The following PI4KA variants were observed in gnomAD, a reference collection of about 807,000 sequenced individuals.
The protein encoded by PI4KA is phosphatidylinositol 4-kinase alpha, also known as PI4-kinase alpha.
In PI4KA, 122 loss-of-function variants were observed where a neutral mutation model predicts 271.4. That is an observed-to-expected ratio of 0.45 (90% CI 0.39 to 0.52). The LOEUF (loss-of-function observed/expected upper bound fraction) is 0.52, where lower values mean the gene tolerates loss of function less well. Ranked by LOEUF, PI4KA falls within the 20% of genes least tolerant of loss-of-function variation. The probability of loss-of-function intolerance (pLI) is 0.00; values close to 1 mark genes in which losing one functional copy is unlikely to be tolerated. For synonymous variants in PI4KA, 1,041 were observed against 1,078.8 expected, an observed-to-expected ratio of 0.96 and a Z score of 0.69; for missense variants, 1,969 against 2,769.1, an observed-to-expected ratio of 0.71 and a Z score of 6.48.
chr22:20,784,375 C>T, intron 19 of PI4KA: 1 of 1,249,814 alleles, frequency 8.0e-7, no homozygotes, highest in South Asian at 1.3e-5. Context: ...CATACAGGGC[C>T]ACTCTGTTAA....
At chr22:20,809,943 T>A (rs1298192656) in intron 9 of PI4KA, among the ~76,000 whole-genome samples, 1 of 152,128 alleles carries the variant, frequency 6.6e-6, no homozygotes, top group African/African-American at 2.4e-5. Context: ...GGTAGTTCCT[T>A]CCCTGCTTCA....
At chr22:20,730,118 G>T in intron 36 of PI4KA, 107 bp from the exon 37 acceptor site, 1 of 1,281,492 alleles carries the variant, frequency 7.8e-7, no homozygotes, top group South Asian at 1.4e-5. Context: ...GGCAGAGCAG[G>T]CATTTTCTGG....
chr22:20,751,881 A>T, intron 25 of PI4KA, 126 bp from the exon 26 acceptor site: 1 of 760,882 alleles, frequency 1.3e-6, no homozygotes, highest in Non-Finnish European at 2.2e-6. Flanking sequence ...GGAGGTCGGG[A>T]GGCCCTTGCA....
At chr22:20,741,614 A>G (rs550993506) in intron 32 of PI4KA, among the ~76,000 whole-genome samples, 93 of 152,320 alleles carry the variant, frequency 6.1e-4, no homozygotes, top group African/African-American at 2.0e-3. Context: ...TTTTAATTAC[A>G]TTTTTGGAAA....
intron 28 of PI4KA, among the ~76,000 whole-genome samples, chr22:20,748,011 C>T (rs900323848): frequency 5.3e-5 from 8 of 152,198 alleles, no homozygotes; most frequent in Admixed American, 4.6e-4. Context: ...GTCAGGATTA[C>T]AGGCATGAGC....
intron 3 of PI4KA, among the ~76,000 whole-genome samples, chr22:20,834,267 A>G (rs1467294548): frequency 6.6e-6 from 1 of 152,122 alleles, no homozygotes; most frequent in African/African-American, 2.4e-5. Context: ...AGATGACCCA[A>G]TTCTGGCCAA....
At chr22:20,780,201 G>C in intron 19 of PI4KA, 1 of 1,614,140 alleles carries the variant, frequency 6.2e-7, no homozygotes, top group East Asian at 2.2e-5. Context: ...CTACTTCAAA[G>C]GTAAGAGGCA....
At chr22:20,846,103 A>T in intron 1 of PI4KA, among the ~76,000 whole-genome samples, 1 of 151,788 alleles carries the variant, frequency 6.6e-6, no homozygotes, top group African/African-American at 2.4e-5. Flanking sequence ...ACTAAAAAAA[A>T]ATACAAAAAA....
At chr22:20,713,958 C>A (rs1925659765) in intron 47 of PI4KA, among the ~76,000 whole-genome samples, 1 of 152,192 alleles carries the variant, frequency 6.6e-6, no homozygotes, top group Admixed American at 6.5e-5. Context: ...AGTCCCTAAT[C>A]CAATGACTGA....
rs75020025 is a variant in PI4KA, at chr22:20,785,843, C to A, written c.2328+7350G>T. ...AGTAGCGGAATTACAAAGGAGTGTG[C>A]TTCCTAAAATCCTCAACTGACAGTC... On this transcript the variant is annotated intron_variant, in intron 19 of 54. Transcript: ENST00000255882. 1.2e-4 allele frequency among the ~76,000 whole-genome samples: 19 copies of A among 152,260 alleles called. No individual in the cohort carries two copies. The East Asian group carries it at 3.5e-3, about 28-fold the overall frequency.
At chr22:20,798,340 G>A (rs1029328816) in intron 17 of PI4KA, 6 of 487,540 alleles carry the variant, frequency 1.2e-5, no homozygotes. Flanking sequence ...TCAGCTGCAT[G>A]TGCAGCATGG....
chr22:20,732,903 G>A lies in PI4KA; in HGVS notation c.4288+68C>T, dbSNP rs1027060373. 228 of 1,596,152 alleles carry A rather than the reference G, an allele frequency of 1.4e-4. 2 individuals carry two copies. The highest frequency in any genetic ancestry group is 1.2e-3 in the South Asian group (112 of 90,472). ...TTCCGTCCCTACCTCTGGCACCCTCGGGGCAGCCCACGTGGCACCCCTGTC... is the reference window on the plus strand; with the variant it reads ...TTCCGTCCCTACCTCTGGCACCCTCAGGGCAGCCCACGTGGCACCCCTGTC... On this transcript the variant is annotated intron_variant, in intron 36 of 54. Coordinates refer to ENST00000255882, the MANE Select transcript of PI4KA (RefSeq NM_058004.4).
intron 32 of PI4KA, among the ~76,000 whole-genome samples, chr22:20,739,690 G>A (rs1214851704): frequency 2.0e-5 from 3 of 152,098 alleles, no homozygotes; most frequent in Non-Finnish European, 4.4e-5. Context: ...CAATAAATAT[G>A]CTCAAAGATT....
At chr22:20,728,839 C>T (rs1374486915) in intron 39 of PI4KA, among the ~76,000 whole-genome samples, 2 of 152,188 alleles carry the variant, frequency 1.3e-5, no homozygotes, top group East Asian at 1.9e-4. Context: ...CAGCCACCAT[C>T]GGTCTGAAGT....
At position 20,731,002 on chromosome 22, in the gene PI4KA, C is replaced by T. The variant is rs151001467; in HGVS notation, c.4289-991G>A. 1.3e-3 allele frequency among the ~76,000 whole-genome samples: 203 copies of T among 152,014 alleles called. 2 individuals are homozygous for T. In the East Asian group the frequency reaches 0.035, roughly 26 times the overall value. ...GGCCAGCCTGGACAACAAGGCAAGA[C>T]GCCCTATCTCTACAACAACAATAAA... On this transcript the variant is annotated intron_variant, in intron 36 of 54. Coordinates refer to ENST00000255882, the MANE Select transcript of PI4KA (RefSeq NM_058004.4).
chr22:20,806,547 G>A (rs780816864), intron 10 of PI4KA, among the ~76,000 whole-genome samples: 2 of 151,864 alleles, frequency 1.3e-5, no homozygotes, highest in Non-Finnish European at 2.9e-5. Flanking sequence ...GCACATGCCT[G>A]TAATCCCAGC....
At chr22:20,770,628 ACAC>A (rs1441667473) in intron 19 of PI4KA, among the ~76,000 whole-genome samples, 2 of 131,090 alleles carry the variant, frequency 1.5e-5, no homozygotes, top group Non-Finnish European at 1.6e-5. Flanking sequence ...ACACACACAC[ACAC>A]AAGCTGGACA....
intron 43 of PI4KA, among the ~76,000 whole-genome samples, chr22:20,719,906 G>A (rs1049738406): frequency 6.6e-6 from 1 of 151,740 alleles, no homozygotes; most frequent in African/African-American, 2.4e-5. Context: ...GGCGCCTGTA[G>A]TCCCAGCTAC....
intron 1 of PI4KA, among the ~76,000 whole-genome samples, chr22:20,839,477 G>A (rs1925283073): frequency 6.6e-6 from 1 of 152,128 alleles, no homozygotes; most frequent in African/African-American, 2.4e-5. Flanking sequence ...CCCACCCCTT[G>A]ACCACGAACA....
Sources: allele counts gnomAD v4.1 joint callset (sites outside exome capture counted in the v4.1 genomes callset), GRCh38; gene constraint gnomAD v4.1.1; transcripts MANE v1.5; gene names NCBI Gene and HGNC (gene_info 2026-07-23, HGNC 2026-07-21).